The following CDHR5 variants were observed in gnomAD, a reference collection of about 807,000 sequenced individuals.
CDHR5 encodes the protein cadherin-related family member 5.
CDHR5 carries 82 observed loss-of-function variants against 69.5 expected under a neutral mutation model. The ratio of observed to expected loss-of-function variants is 1.18; its 90% CI spans 0.99 to 1.42. The LOEUF (loss-of-function observed/expected upper bound fraction) is 1.42, where lower values mean the gene tolerates loss of function less well. CDHR5 is among the 40% of genes most tolerant of loss of function. The probability of loss-of-function intolerance (pLI) is 0.00; values close to 1 mark genes in which losing one functional copy is unlikely to be tolerated. For missense variants in CDHR5, 1,293 were observed against 1,168.9 expected (o/e 1.11, Z -1.55); for synonymous variants, 601 against 510.2 (o/e 1.18, Z -2.40).
chr11:620,644 G>C (rs1266107833), intron 7 of CDHR5, among the ~76,000 whole-genome samples: 1 of 152,176 alleles, frequency 6.6e-6, no homozygotes, highest in African/African-American at 2.4e-5. Flanking sequence ...TGTCTTGACG[G>C]GTAAGCAAAC....
intron 12 of CDHR5, 52 bp downstream of exon 12, chr11:619,254 G>T: frequency 3.3e-6 from 5 of 1,495,830 alleles, no homozygotes; most frequent in South Asian, 1.2e-5. Context: ...AGGAGCCACC[G>T]AAGGGGCTTA....
chr11:616,957 C>T lies in CDHR5; in HGVS notation c.*394G>A, dbSNP rs752001963. The stretch of plus-strand genomic sequence containing the variant: ...GGCAATCTCTGTGTAGGGTCGGGAG[C>T]GGGAGGTCTGAGATGAGCCGGGTGC... On this transcript the variant is annotated 3_prime_UTR_variant, in exon 15 of 15. Coordinates refer to ENST00000397542, the MANE Select transcript of CDHR5 (RefSeq NM_021924.5). 65 of 221,728 alleles carry T rather than the reference C, an allele frequency of 2.9e-4. No individual in the cohort carries two copies. Among genetic ancestry groups the T allele is most frequent in the African/African-American group, 1.5e-3 (63 of 43,334 alleles). 13.7% of individuals were successfully genotyped at this position (221,728 alleles called of 1,614,324 possible). A position where few individuals can be genotyped will look rare whatever the true frequency, so the allele number is the denominator to read the frequency against.
rs766327007 is a variant in CDHR5, at chr11:624,462, G to T, written c.261+95C>A. ...CATGGGTGTCAGTGGATGCCCGCAG[G>T]CATAGAACTCCTAGGCCCCCAAGGG... On this transcript the variant is annotated intron_variant, in intron 2 of 14. Transcript: ENST00000397542. The surrounding 1 kb of genome is among the most constrained non-coding windows in gnomAD (Gnocchi z 5.3). 1.2e-5 allele frequency: 16 copies of T among 1,284,154 alleles called. No individual in the cohort carries two copies. Among genetic ancestry groups the T allele is most frequent in the Non-Finnish European group, 1.8e-5 (16 of 882,706 alleles). 79.5% of individuals were successfully genotyped at this position (1,284,154 alleles called of 1,614,324 possible). A position where few individuals can be genotyped will look rare whatever the true frequency, so the allele number is the denominator to read the frequency against.
Position 624,801 on chromosome 11 carries a change from C to T in CDHR5, c.85+17G>A. On this transcript the variant is annotated intron_variant, in intron 1 of 14. Transcript: ENST00000397542. This position sits in a 1 kb window ranked among gnomAD's most constrained non-coding sequence, Gnocchi z 5.3. ...CTCCCCGCCGCCCGTGCCCCACCTA[C>T]CCCTGCCCGCACATACACTGGGCCT... The T allele has an allele frequency of 6.2e-7, 1 of 1,609,072 alleles. No homozygotes were observed. Among genetic ancestry groups the T allele is most frequent in the Non-Finnish European group, 8.5e-7 (1 of 1,177,548 alleles).
In CDHR5 at chr11:621,765, G is replaced by A. The variant is rs1380812614; in HGVS notation, c.405+47C>T. On this transcript the variant is annotated intron_variant, in intron 4 of 14. Coordinates refer to ENST00000397542, the MANE Select transcript of CDHR5 (RefSeq NM_021924.5). The surrounding 1 kb of genome is among the most constrained non-coding windows in gnomAD (Gnocchi z 4.4). ...CCACTCACCTCCTGCCCTCACCCTG[G>A]GCTCCCACACCCCCGTGCCCAGTCC... 6.3e-7 allele frequency: 1 copy of A among 1,578,756 alleles called. No individual in the cohort carries two copies.
Position 619,466 on chromosome 11 carries a change from C to G in CDHR5, c.1293+8G>C. On this transcript the variant is annotated splice_region_variant and intron_variant, in intron 11 of 14. Coordinates refer to ENST00000397542, the MANE Select transcript of CDHR5 (RefSeq NM_021924.5). Reference sequence around the variant, plus strand: ...CCCTTGGAGATGCCCGCCTGCCCTGCCCCGCACCTCTGCGTAGAAGGCTCC... The same window carrying G: ...CCCTTGGAGATGCCCGCCTGCCCTGGCCCGCACCTCTGCGTAGAAGGCTCC... 1 of 1,609,258 alleles carries G rather than the reference C, an allele frequency of 6.2e-7. No homozygotes were observed.
At position 624,777 on chromosome 11, in the gene CDHR5, TC is replaced by T; in HGVS notation, c.85+40del. 1 of 1,604,082 alleles carries T rather than the reference TC, an allele frequency of 6.2e-7. No individual in the cohort carries two copies. ...GGATCAGTGCCTCCCAGCCCCTGGC[TC>T]CCCGCCGCCCGTGCCCCACCTACCC... is the stretch of plus-strand genomic sequence containing the variant. On this transcript the variant is annotated intron_variant, in intron 1 of 14. Coordinates refer to ENST00000397542, the MANE Select transcript of CDHR5 (RefSeq NM_021924.5). This position sits in a 1 kb window ranked among gnomAD's most constrained non-coding sequence, Gnocchi z 5.3.
rs753011534 is a variant in CDHR5, at chr11:619,465, G to GC, written c.1293+8dup. 2.0e-5 allele frequency: 32 copies of GC among 1,608,248 alleles called. No homozygotes were observed. The highest frequency in any genetic ancestry group is 2.7e-5 in the Non-Finnish European group (32 of 1,174,724). ...ACCCTTGGAGATGCCCGCCTGCCCT[G>GC]CCCCGCACCTCTGCGTAGAAGGCTC... On this transcript the variant is annotated intron_variant, in intron 11 of 14. Transcript: ENST00000397542.
Position 620,352 on chromosome 11 carries a change from T to A in CDHR5, c.824A>T (p.Tyr275Phe). ...GATGCCGCGGTCTCCGTCCTCAGCG[T>A]AGATGGGTCCGGGACGCAGGACGAG... ...SPLVLRPGPI[Y>F]AEDGDRGINQ... is the part of the protein sequence containing the mutation. The change falls in exon 8 of 15, where the codon TAC becomes TTC. Residue 275 changes from tyrosine (Y) to phenylalanine (F), a missense_variant. Coordinates refer to ENST00000397542, the MANE Select transcript of CDHR5 (RefSeq NM_021924.5). 1 of 1,612,404 alleles carries A rather than the reference T, an allele frequency of 6.2e-7. No individual in the cohort carries two copies. Among genetic ancestry groups the A allele is most frequent in the Non-Finnish European group, 8.5e-7 (1 of 1,179,128 alleles).
At chr11:617,884 TC>T in intron 14 of CDHR5, 69 bp downstream of exon 14, 1 of 1,542,774 alleles carries the variant, frequency 6.5e-7, no homozygotes. Context: ...CCCTCTGCCC[TC>T]CCCTCTCCTG....
chr11:620,809 C>T (rs566132182), intron 7 of CDHR5, among the ~76,000 whole-genome samples: 5 of 152,130 alleles, frequency 3.3e-5, no homozygotes, highest in South Asian at 4.2e-4. Context: ...CCCTTAAGAG[C>T]TCCAGGGCCC....
chr11:620,236 G>A (rs985881195), intron 8 of CDHR5, 60 bp downstream of exon 8: 1 of 1,582,300 alleles, frequency 6.3e-7, no homozygotes, highest in African/African-American at 1.3e-5. Flanking sequence ...TGCCCAAGGT[G>A]GGGATGGAGA....
Position 618,042 on chromosome 11 carries a change from G to GCACC in CDHR5, c.2026_2029dup (p.Ala677GlyfsTer39), listed in dbSNP as rs1857085223. 5.0e-6 allele frequency: 8 copies of GCACC among 1,611,696 alleles called. No homozygotes were observed. Among genetic ancestry groups the GCACC allele is most frequent in the Non-Finnish European group, 6.8e-6 (8 of 1,179,262 alleles). On this transcript the variant is annotated frameshift_variant, in exon 14 of 15. Coordinates refer to ENST00000397542, the MANE Select transcript of CDHR5 (RefSeq NM_021924.5). LOFTEE classifies it high-confidence loss of function. ...GCCAAGGAGAGCCAGCAGCAGCAGC[G>GCACC]CACCCAGCACCCCGCCCAGGGCCGC...
At chr11:618,227 T>A in intron 13 of CDHR5, 116 bp from the exon 14 acceptor site, 1 of 866,312 alleles carries the variant, frequency 1.2e-6, no homozygotes, top group Non-Finnish European at 1.8e-6. Flanking sequence ...CTGGGCTGTC[T>A]CCCAAATCTC....
rs771748824 is a variant in CDHR5, at chr11:621,211, T to G, written c.658A>C (p.Thr220Pro). ...GENVEPSHTATATLVLNVVPA... is the reference protein window; with the variant it reads ...GENVEPSHTAPATLVLNVVPA... Reference sequence around the variant, plus strand: ...ACCACGTTCAGCACTAGTGTGGCGGTGGCAGTGTGGCTGGGTTCCACATTC... The same window carrying G: ...ACCACGTTCAGCACTAGTGTGGCGGGGGCAGTGTGGCTGGGTTCCACATTC... The change falls in exon 7 of 15, where the codon ACC becomes CCC. Residue 220 changes from threonine to proline, a missense_variant. Transcript: ENST00000397542. The surrounding 1 kb of genome is among the most constrained non-coding windows in gnomAD (Gnocchi z 4.4). The G allele has an allele frequency of 7.5e-6, 12 of 1,598,452 alleles. No homozygotes were observed. The highest frequency in any genetic ancestry group is 1.0e-5 in the Non-Finnish European group (12 of 1,171,074).
At chr11:622,162 C>T (rs1022150409) in intron 3 of CDHR5, among the ~76,000 whole-genome samples, 50 of 152,346 alleles carry the variant, frequency 3.3e-4, no homozygotes, top group Middle Eastern at 3.4e-3. Context: ...GGGTGCACCC[C>T]TCGACGGCCA....
At position 624,237 on chromosome 11, in the gene CDHR5, C is replaced by T. The variant is rs1309132337; in HGVS notation, c.288G>A (p.Leu96=). The T allele has an allele frequency of 1.3e-6, 1 of 770,958 alleles. No homozygotes were observed. The highest frequency in any genetic ancestry group is 1.7e-5 in the Admixed American group (1 of 57,978). 47.8% of individuals were successfully genotyped at this position (770,958 alleles called of 1,614,324 possible). ...CCAATGTGCCTCCGCTCTGACACAGCAGCTGAGCCTCAAGCAGTGACTTCT... is the reference window on the plus strand; with the variant it reads ...CCAATGTGCCTCCGCTCTGACACAGTAGCTGAGCCTCAAGCAGTGACTTCT... The part of the protein sequence containing the change: ...YEEKSLLEAQ[L]LCQSGGTLVT... Residue 96 remains leucine (L), a synonymous_variant, in exon 3 of 15, where the codon CTG becomes CTA. Transcript: ENST00000397542. This position sits in a 1 kb window ranked among gnomAD's most constrained non-coding sequence, Gnocchi z 5.3.
chr11:618,431 T>G (rs1468937541), intron 13 of CDHR5, among the ~76,000 whole-genome samples, 168 bp downstream of exon 13: 1 of 152,236 alleles, frequency 6.6e-6, no homozygotes, highest in Non-Finnish European at 1.5e-5. Context: ...CATCACAGGT[T>G]ACCTCACTGG....
chr11:621,468 A>G lies in CDHR5; in HGVS notation c.508-13T>C. ...AGTCACTGGCACCCTGGGGAGGGTC[A>G]GGGAGGACAGAGCCTAAGAGCCTTG... On this transcript the variant is annotated splice_polypyrimidine_tract_variant and intron_variant, in intron 5 of 14. Transcript: ENST00000397542. The surrounding 1 kb of genome is among the most constrained non-coding windows in gnomAD (Gnocchi z 4.4). 1 of 1,608,584 alleles carries G rather than the reference A, an allele frequency of 6.2e-7. No homozygotes were observed. The highest frequency in any genetic ancestry group is 8.5e-7 in the Non-Finnish European group (1 of 1,175,762).
Sources: gnomAD v4.1 joint callset for allele counts (sites outside exome capture counted in the v4.1 genomes callset) on GRCh38, gnomAD v4.1.1 for gene constraint, Gnocchi (gnomAD v3.1) non-coding constraint, MANE v1.5 for transcripts, NCBI Gene and HGNC (gene_info 2026-07-23, HGNC 2026-07-21) for gene names.